The following MYOM2 variants were observed in gnomAD, a reference collection of about 807,000 sequenced individuals.
MYOM2 encodes myomesin-2.
MYOM2 carries 254 observed loss-of-function variants against 187.6 expected under a neutral mutation model. The ratio of observed to expected loss-of-function variants is 1.35; its 90% CI spans 1.22 to 1.50. The LOEUF is 1.50. Among genes scored for constraint, MYOM2 ranks in the 40% most tolerant of loss-of-function variants. The pLI is 0.00. For synonymous variants in MYOM2, 981 were observed against 753.8 expected (o/e 1.30, Z -4.94); for missense variants, 2,796 against 1,924.0 (o/e 1.45, Z -8.48).
At chr8:2,101,132 G>C in intron 20 of MYOM2, 78 bp downstream of exon 20, 4 of 1,482,322 alleles carry the variant, frequency 2.7e-6, no homozygotes, top group South Asian at 1.2e-5. Flanking sequence ...AATCACTTGA[G>C]GTCAGGAGTT....
chr8:2,137,564 T>TTGTGTGTGTGTG lies in MYOM2; in HGVS notation c.3801-3152_3801-3141dup, dbSNP rs35420025. Among the ~76,000 whole-genome samples the TTGTGTGTGTGTG allele has an allele frequency of 2.0e-3, 306 of 150,200 alleles. 5 individuals are homozygous for TTGTGTGTGTGTG. In the East Asian group the frequency reaches 0.03, roughly 15 times the overall value. ...ACATAGCCAAGTTGGCTGTGCCTGG[T>TTGTGTGTGTGTG]TGTGTGTGTGTGTGTGTGCATTTGT... On this transcript the variant is annotated intron_variant, in intron 32 of 36. Coordinates refer to ENST00000262113, the MANE Select transcript of MYOM2 (RefSeq NM_003970.4).
Position 2,124,136 on chromosome 8 carries a change from A to T in MYOM2, c.3656-43A>T, listed in dbSNP as rs748182982. On this transcript the variant is annotated intron_variant, in intron 30 of 36. Coordinates refer to ENST00000262113, the MANE Select transcript of MYOM2 (RefSeq NM_003970.4). Reference sequence around the variant, plus strand: ...AACATTGAAAATGCTGCTTTCGGTTAAAGTTACATGTCGTAATGGTGCGTA... The same window carrying T: ...AACATTGAAAATGCTGCTTTCGGTTTAAGTTACATGTCGTAATGGTGCGTA... 12 of 1,579,528 alleles carry T rather than the reference A, an allele frequency of 7.6e-6. No homozygotes were observed. In the African/African-American group the frequency reaches 1.3e-4, roughly 18 times the overall value.
chr8:2,109,051 T>G (rs1796982864), intron 24 of MYOM2, among the ~76,000 whole-genome samples: 1 of 152,236 alleles, frequency 6.6e-6, no homozygotes, highest in Non-Finnish European at 1.5e-5. Context: ...AATTTTGGGT[T>G]TAGTATAGCT....
chr8:2,075,119 A>G (rs1021887864), intron 10 of MYOM2, among the ~76,000 whole-genome samples: 2 of 152,216 alleles, frequency 1.3e-5, no homozygotes, highest in African/African-American at 4.8e-5. Flanking sequence ...TCATCTGAAA[A>G]GAAAGAGAAG....
chr8:2,139,600 C>A (rs1183282997), intron 32 of MYOM2, among the ~76,000 whole-genome samples: 1 of 152,160 alleles, frequency 6.6e-6, no homozygotes, highest in Non-Finnish European at 1.5e-5. Flanking sequence ...CCACAAGCAC[C>A]ACAGCTGGCT....
chr8:2,057,257 G>A, intron 3 of MYOM2, 91 bp from the exon 4 acceptor site: 4 of 1,451,252 alleles, frequency 2.8e-6, no homozygotes, highest in Non-Finnish European at 1.8e-6. Context: ...GAAACCCTAG[G>A]GAGAGAATGG....
intron 19 of MYOM2, among the ~76,000 whole-genome samples, chr8:2,100,129 T>TTTCCTTCCTTCCCTCCTTCC (rs1796649205): frequency 4.4e-5 from 2 of 45,528 alleles, no homozygotes; most frequent in African/African-American, 1.6e-4. Context: ...TCCTTCCTTC[T>TTTCCTTCCTTCCCTCCTTCC]TTCCTTCCTT....
At position 2,144,698 on chromosome 8, in the gene MYOM2, CT is replaced by C. The variant is rs1420663012; in HGVS notation, c.4116del (p.Asp1373ThrfsTer4). On this transcript the variant is annotated frameshift_variant, in exon 37 of 37. Coordinates refer to ENST00000262113, the MANE Select transcript of MYOM2 (RefSeq NM_003970.4). LOFTEE classifies it low-confidence loss of function (END_TRUNC). ...CTGACCTGCACGGTGTTTGGAAACC[CT>C]GACCCCGAAGTGATTTGGTTCAAGA... ...LNLTCTVFGN[P>X]DPEVIWFKND... 1 of 1,613,978 alleles carries C rather than the reference CT, an allele frequency of 6.2e-7. No homozygotes were observed. Among genetic ancestry groups the C allele is most frequent in the Admixed American group, 1.7e-5 (1 of 59,990 alleles).
In MYOM2 at chr8:2,057,406, C is replaced by T. The variant is rs765425718; in HGVS notation, c.322C>T (p.Leu108=). ...EAKRQRFLSE[L]AHLEEDVHLA... is the part of the protein sequence containing the mutation. ...CAAGCGACAGCGCTTCCTCAGCGAG[C>T]TGGCCCACTTGGAGGAGGATGTCCA... Residue 108 remains leucine (L), a synonymous_variant, in exon 4 of 37, where the codon CTG becomes TTG. Coordinates refer to ENST00000262113, the MANE Select transcript of MYOM2 (RefSeq NM_003970.4). The T allele has an allele frequency of 1.9e-6, 3 of 1,614,004 alleles. No individual in the cohort carries two copies. Among genetic ancestry groups the T allele is most frequent in the South Asian group, 1.1e-5 (1 of 91,038 alleles).
rs1796032458 is a variant in MYOM2, at chr8:2,086,189, A to ACTGTTG, written c.1644+799_1644+800insCTGTTG. ...GTGATCTCTGCGTGGCCCCACTGTC[A>ACTGTTG]TGATCTCTGCGTGGCCCCACTGTCA... On this transcript the variant is annotated intron_variant, in intron 14 of 36. Transcript: ENST00000262113. Among the ~76,000 whole-genome samples the ACTGTTG allele has an allele frequency of 6.7e-3, 6 of 892 alleles. 2 individuals are homozygous for ACTGTTG. The highest frequency in any genetic ancestry group is 8.0e-3 in the Non-Finnish European group (4 of 502). 0.6% of individuals were successfully genotyped at this position (892 alleles called of 152,430 possible).
chr8:2,138,906 T>C (rs1798175717), intron 32 of MYOM2, among the ~76,000 whole-genome samples: 1 of 152,094 alleles, frequency 6.6e-6, no homozygotes, highest in South Asian at 2.1e-4. Flanking sequence ...AGGATCCCAC[T>C]GTGCCTTCAC....
intron 15 of MYOM2, 140 bp from the exon 16 acceptor site, chr8:2,092,206 C>A: frequency 9.8e-7 from 1 of 1,019,028 alleles, no homozygotes; most frequent in Non-Finnish European, 1.5e-6. Context: ...TCCTCTCCTA[C>A]TCCTGGACCC....
chr8:2,070,926 C>G (rs1217291625), intron 8 of MYOM2, among the ~76,000 whole-genome samples: 1 of 152,082 alleles, frequency 6.6e-6, no homozygotes, highest in Non-Finnish European at 1.5e-5. Flanking sequence ...GTCTCCCACA[C>G]CGTCCTGGCA....
At chr8:2,092,564 A>G in intron 16 of MYOM2, 44 bp downstream of exon 16, 1 of 1,599,368 alleles carries the variant, frequency 6.3e-7, no homozygotes, top group Non-Finnish European at 8.5e-7. Flanking sequence ...TTGCAGGAGT[A>G]GCAAGACCGT....
rs138560338 is a variant in MYOM2 at position 2,069,104 on chromosome 8, C to T, written c.654-174C>T. On this transcript the variant is annotated intron_variant, in intron 6 of 36. Transcript: ENST00000262113. Reference sequence around the variant, plus strand: ...CTTCATCTGTGTCTATAATTAATACCGAGTGCTGCCTCACCTTTCCAAGGA... The same window carrying T: ...CTTCATCTGTGTCTATAATTAATACTGAGTGCTGCCTCACCTTTCCAAGGA... 1.1e-3 allele frequency among the ~76,000 whole-genome samples: 166 copies of T among 152,300 alleles called. 2 individuals are homozygous for T. Among genetic ancestry groups the T allele is most frequent in the African/African-American group, 3.7e-3 (155 of 41,574 alleles).
At chr8:2,076,395 G>A (rs769301021) in intron 11 of MYOM2, 113 bp downstream of exon 11, 7 of 1,364,258 alleles carry the variant, frequency 5.1e-6, no homozygotes, top group Non-Finnish European at 6.9e-6. Context: ...TTTTTGATTG[G>A]CTCTAGGTAC....
chr8:2,114,311 A>G (rs1174673789), intron 25 of MYOM2, among the ~76,000 whole-genome samples: 1 of 152,208 alleles, frequency 6.6e-6, no homozygotes. Context: ...AGTGTAACCT[A>G]GAAATCATGA....
At chr8:2,071,915 C>T (rs1563429848) in intron 8 of MYOM2, among the ~76,000 whole-genome samples, 3 of 152,102 alleles carry the variant, frequency 2.0e-5, no homozygotes, top group Admixed American at 1.3e-4. Context: ...CCCCTGGGGT[C>T]CCACTCTCAC....
At chr8:2,123,674 A>G (rs1360747485) in intron 30 of MYOM2, 32 bp downstream of exon 30, 11 of 1,587,264 alleles carry the variant, frequency 6.9e-6, no homozygotes, top group Non-Finnish European at 9.5e-6. Flanking sequence ...TCTGTGAACA[A>G]GAAATTCCTT....
Sources: gnomAD v4.1 joint callset for allele counts (sites outside exome capture counted in the v4.1 genomes callset) on GRCh38, gnomAD v4.1.1 for gene constraint, MANE v1.5 for transcripts, NCBI Gene and HGNC (gene_info 2026-07-23, HGNC 2026-07-21) for gene names.